SEMA3A: variants seen among roughly 807,000 people sequenced by gnomAD.
SEMA3A encodes semaphorin-3A.
In SEMA3A, 29 loss-of-function variants were observed where a neutral mutation model predicts 97.9. The ratio of observed to expected loss-of-function variants is 0.30; its 90% CI spans 0.22 to 0.40. The LOEUF is 0.40. Among genes scored for constraint, SEMA3A ranks in the 10% least tolerant of loss-of-function variants. The pLI is 1.00. For missense variants in SEMA3A, 763 were observed against 951.3 expected, an observed-to-expected ratio of 0.80 and a Z score of 2.60; for synonymous variants, 321 against 323.7, an observed-to-expected ratio of 0.99 and a Z score of 0.09.
intron 3 of SEMA3A, among the ~76,000 whole-genome samples, chr7:84,271,138 CT>C (rs1045476915): frequency 1.3e-5 from 2 of 151,958 alleles, no homozygotes; most frequent in African/African-American, 4.8e-5. Flanking sequence ...CTTCTTTTCT[CT>C]CTCTTTTTTC....
At chr7:83,998,941 A>C (rs547384276) in intron 12 of SEMA3A, among the ~76,000 whole-genome samples, 5 of 152,138 alleles carry the variant, frequency 3.3e-5, no homozygotes, top group Non-Finnish European at 7.4e-5. Context: ...CATATATTTG[A>C]TATCTCTATA....
intron 4 of SEMA3A, among the ~76,000 whole-genome samples, chr7:84,081,406 C>A (rs1034556575): frequency 2.0e-5 from 3 of 151,972 alleles, no homozygotes; most frequent in African/African-American, 4.8e-5. Flanking sequence ...CCCTGGCTAA[C>A]ACGGTGAAAC....
chr7:84,043,828 G>T (rs753284248), intron 6 of SEMA3A, among the ~76,000 whole-genome samples: 2 of 151,990 alleles, frequency 1.3e-5, no homozygotes, highest in Non-Finnish European at 2.9e-5. Context: ...ATTCTCAAAT[G>T]AACTACACAT....
chr7:84,068,719 TA>T (rs1310498071), intron 4 of SEMA3A, among the ~76,000 whole-genome samples: 1 of 152,128 alleles, frequency 6.6e-6, no homozygotes, highest in Non-Finnish European at 1.5e-5. Context: ...ATGTCCAAGT[TA>T]ATCAGACAGT....
intron 3 of SEMA3A, among the ~76,000 whole-genome samples, chr7:84,234,513 A>G (rs1305388275): frequency 6.6e-6 from 1 of 151,886 alleles, no homozygotes; most frequent in Non-Finnish European, 1.5e-5. Context: ...CATTGATCTA[A>G]ATCTGCTGTG....
intron 4 of SEMA3A, among the ~76,000 whole-genome samples, chr7:84,091,141 A>C (rs1419053471): frequency 4.3e-5 from 1 of 23,392 alleles, no homozygotes; most frequent in African/African-American, 1.5e-4. Context: ...AGAAAGAAGG[A>C]AGGAAGGAAG....
chr7:83,988,215 G>C (rs1383416802), intron 12 of SEMA3A, among the ~76,000 whole-genome samples: 3 of 151,574 alleles, frequency 2.0e-5, no homozygotes, highest in Non-Finnish European at 2.9e-5. Flanking sequence ...TTGTGTTTTT[G>C]TTGTTGTTGT....
Position 83,957,264 on chromosome 7 carries a change from TC to T in SEMA3A, c.*4106del, listed in dbSNP as rs1788308827. On this transcript the variant is annotated 3_prime_UTR_variant, in exon 17 of 17. Coordinates refer to ENST00000265362, the MANE Select transcript of SEMA3A (RefSeq NM_006080.3). Reference sequence around the variant, plus strand: ...ATTAGATGATGATAAGTCATCTCGCTCTGTTTCCTTAATTTCATTGTGAGCT... The same window carrying T: ...ATTAGATGATGATAAGTCATCTCGCTTGTTTCCTTAATTTCATTGTGAGCT... The T allele has an allele frequency of 8.2e-6, 1 of 122,308 alleles. No homozygotes were observed. The highest frequency in any genetic ancestry group is 1.7e-5 in the Non-Finnish European group (1 of 60,048). 7.6% of individuals were successfully genotyped at this position (122,308 alleles called of 1,614,324 possible). A position where few individuals can be genotyped will look rare whatever the true frequency, so the allele number is the denominator to read the frequency against.
intron 1 of SEMA3A, among the ~76,000 whole-genome samples, chr7:84,375,309 T>C (rs895274557): frequency 1.4e-4 from 22 of 152,110 alleles, no homozygotes; most frequent in African/African-American, 5.3e-4. Flanking sequence ...CATGAGCCAC[T>C]GTGCCTGGCC....
At chr7:83,977,500 A>C (rs1789199521) in intron 14 of SEMA3A, among the ~76,000 whole-genome samples, 1 of 152,068 alleles carries the variant, frequency 6.6e-6, no homozygotes, top group Non-Finnish European at 1.5e-5. Flanking sequence ...GATGTCAGTC[A>C]GTAACAATCT....
intron 1 of SEMA3A, among the ~76,000 whole-genome samples, chr7:84,140,705 A>C (rs1010696093): frequency 2.6e-5 from 4 of 152,174 alleles, no homozygotes; most frequent in African/African-American, 9.6e-5. Context: ...AAGGTCCAAC[A>C]GTTTTAGATC....
intron 1 of SEMA3A, among the ~76,000 whole-genome samples, chr7:84,163,840 C>T (rs986783801): frequency 2.8e-5 from 4 of 143,502 alleles, no homozygotes; most frequent in African/African-American, 5.3e-5. Flanking sequence ...TCACACAGTA[C>T]TATTTTTTTT....
chr7:84,172,340 T>C (rs2116208170), intron 1 of SEMA3A, among the ~76,000 whole-genome samples: 1 of 152,330 alleles, frequency 6.6e-6, no homozygotes, highest in Admixed American at 6.5e-5. Context: ...GAAGCTCTAT[T>C]TATGGAACTG....
chr7:84,095,351 T>TATATACACATATATATATA (rs1485887699), intron 4 of SEMA3A, among the ~76,000 whole-genome samples: 1 of 29,624 alleles, frequency 3.4e-5, no homozygotes, highest in African/African-American at 9.8e-5. Context: ...TTTATATTTT[T>TATATACACATATATATATA]TATATACATA....
intron 4 of SEMA3A, among the ~76,000 whole-genome samples, chr7:84,070,567 T>C (rs1419946842): frequency 2.0e-5 from 3 of 152,156 alleles, no homozygotes; most frequent in Admixed American, 1.3e-4. Context: ...ATAGGATGAA[T>C]ATTTTAGGTG....
Position 84,110,456 on chromosome 7 carries a change from A to G in SEMA3A, c.453+14T>C, listed in dbSNP as rs1795243751. Reference sequence around the variant, plus strand: ...GGTCATGGACAAATATAATTTTTAAAAAGCCAGCGTTACCTCAGGATGATG... The same window carrying G: ...GGTCATGGACAAATATAATTTTTAAGAAGCCAGCGTTACCTCAGGATGATG... On this transcript the variant is annotated intron_variant, in intron 4 of 16. Transcript: ENST00000265362. The G allele has an allele frequency of 6.2e-7, 1 of 1,612,752 alleles. No individual in the cohort carries two copies. The highest frequency in any genetic ancestry group is 8.5e-7 in the Non-Finnish European group (1 of 1,179,506).
chr7:84,258,205 G>T (rs1357509726), intron 3 of SEMA3A, among the ~76,000 whole-genome samples: 1 of 152,098 alleles, frequency 6.6e-6, no homozygotes, highest in African/African-American at 2.4e-5. Context: ...CTTTTTGGGG[G>T]TCAACGGGTA....
At chr7:84,425,437 A>AT (rs1397049181) in intron 1 of SEMA3A, among the ~76,000 whole-genome samples, 22 of 130,966 alleles carry the variant, frequency 1.7e-4, no homozygotes, top group African/African-American at 2.4e-4. Context: ...ATATAAATAT[A>AT]GGCATATATT....
At chr7:84,404,420 G>A (rs1804007846) in intron 1 of SEMA3A, among the ~76,000 whole-genome samples, 2 of 152,152 alleles carry the variant, frequency 1.3e-5, no homozygotes, top group African/African-American at 4.8e-5. Flanking sequence ...ACGTCTAATT[G>A]GTGTACCTGA....
Sources: allele counts gnomAD v4.1 joint callset (sites outside exome capture counted in the v4.1 genomes callset), GRCh38; gene constraint gnomAD v4.1.1; transcripts MANE v1.5; gene names NCBI Gene and HGNC (gene_info 2026-07-23, HGNC 2026-07-21).